PPP3CA: variants seen among roughly 807,000 people sequenced by gnomAD.
PPP3CA encodes the protein CAM-PRP catalytic subunit.
Under a neutral mutation model 66.5 loss-of-function variants are expected in PPP3CA, and 14 were observed. That is an observed-to-expected ratio of 0.21 (90% CI 0.14 to 0.33). The LOEUF (loss-of-function observed/expected upper bound fraction) is 0.33, where lower values mean the gene tolerates loss of function less well. Ranked by LOEUF, PPP3CA falls within the 10% of genes least tolerant of loss-of-function variation. The pLI, the probability that PPP3CA is intolerant of heterozygous loss-of-function variation, is 1.00. For missense variants in PPP3CA, 317 were observed against 639.5 expected (o/e 0.50, Z 5.44); for synonymous variants, 232 against 226.2 (o/e 1.03, Z -0.23).
chr4:101,294,004 C>T (rs907484940), intron 1 of PPP3CA, among the ~76,000 whole-genome samples: 2 of 152,086 alleles, frequency 1.3e-5, no homozygotes, highest in African/African-American at 4.8e-5. Context: ...AATATTTTCA[C>T]ATTTAAAAGG....
At chr4:101,337,409 T>G (rs1169720579) in intron 1 of PPP3CA, among the ~76,000 whole-genome samples, 1 of 152,224 alleles carries the variant, frequency 6.6e-6, no homozygotes, top group Non-Finnish European at 1.5e-5. Flanking sequence ...TTAATCATCT[T>G]GGGGACTGTT....
At chr4:101,079,767 G>C (rs954998312) in intron 8 of PPP3CA, among the ~76,000 whole-genome samples, 2 of 152,196 alleles carry the variant, frequency 1.3e-5, no homozygotes, top group Non-Finnish European at 1.5e-5. Context: ...CAAATAAAGA[G>C]ATTACATTTA....
intron 2 of PPP3CA, among the ~76,000 whole-genome samples, chr4:101,161,135 G>A (rs139936871): frequency 1.1e-4 from 17 of 152,150 alleles, no homozygotes; most frequent in South Asian, 2.1e-4. Flanking sequence ...GTACAGTAAC[G>A]TGGTACAGGT....
chr4:101,176,927 C>T (rs1724079767), intron 2 of PPP3CA, among the ~76,000 whole-genome samples: 1 of 152,000 alleles, frequency 6.6e-6, no homozygotes, highest in African/African-American at 2.4e-5. Context: ...TCTATAGCCA[C>T]AACATTATTC....
chr4:101,294,605 T>A (rs1270837145), intron 1 of PPP3CA, among the ~76,000 whole-genome samples: 1 of 152,342 alleles, frequency 6.6e-6, no homozygotes, highest in African/African-American at 2.4e-5. Context: ...TTATGAATTT[T>A]AATCATAAAA....
At chr4:101,200,607 T>C (rs1305520479) in intron 1 of PPP3CA, among the ~76,000 whole-genome samples, 3 of 152,174 alleles carry the variant, frequency 2.0e-5, no homozygotes, top group Admixed American at 1.3e-4. Context: ...TCCTCCTTTT[T>C]TTCCCCCCTC....
At chr4:101,179,214 T>G (rs2850982) in intron 2 of PPP3CA, among the ~76,000 whole-genome samples, 1 of 151,862 alleles carries the variant, frequency 6.6e-6, no homozygotes, top group Non-Finnish European at 1.5e-5. Context: ...AAGTGTAATA[T>G]TGGTTCCTAG....
At chr4:101,206,310 T>A (rs549111848) in intron 1 of PPP3CA, among the ~76,000 whole-genome samples, 4 of 152,352 alleles carry the variant, frequency 2.6e-5, no homozygotes, top group African/African-American at 9.6e-5. Flanking sequence ...TCTCTCAAAT[T>A]TCATTTTCAA....
At chr4:101,161,083 C>T (rs1294557306) in intron 2 of PPP3CA, among the ~76,000 whole-genome samples, 5 of 152,060 alleles carry the variant, frequency 3.3e-5, no homozygotes, top group Admixed American at 6.6e-5. Context: ...ATGTTATATA[C>T]ACAAATACTT....
At chr4:101,191,463 TG>T (rs1351475528) in intron 2 of PPP3CA, among the ~76,000 whole-genome samples, 1 of 152,194 alleles carries the variant, frequency 6.6e-6, no homozygotes, top group Non-Finnish European at 1.5e-5. Context: ...TGCCACAGGC[TG>T]GGACTGAAAT....
chr4:101,106,458 A>AGAAGAGAAGAGAAGAGAAGAGAAG (rs1560605216), intron 3 of PPP3CA, among the ~76,000 whole-genome samples: 8 of 32,676 alleles, frequency 2.4e-4, no homozygotes, highest in Admixed American at 1.1e-3. Flanking sequence ...AGAAAGAGAA[A>AGAAGAGAAGAGAAGAGAAGAGAAG]AGAAAAGAAA....
intron 2 of PPP3CA, among the ~76,000 whole-genome samples, chr4:101,179,469 C>T (rs938431661): frequency 1.1e-4 from 16 of 152,164 alleles, no homozygotes; most frequent in African/African-American, 3.9e-4. Context: ...AGAAACTCAG[C>T]ATGCTGTCTT....
intron 1 of PPP3CA, among the ~76,000 whole-genome samples, chr4:101,208,094 C>T (rs1316540012): frequency 6.6e-6 from 1 of 152,152 alleles, no homozygotes; most frequent in Non-Finnish European, 1.5e-5. Flanking sequence ...ACTAGAAATA[C>T]ACTATATTTT....
At chr4:101,284,978 A>T (rs1214337516) in intron 1 of PPP3CA, among the ~76,000 whole-genome samples, 2 of 152,156 alleles carry the variant, frequency 1.3e-5, no homozygotes. Context: ...AATAGATGTC[A>T]ACTTGCTAAA....
chr4:101,195,790 A>T, intron 2 of PPP3CA, 126 bp downstream of exon 2: 1 of 724,416 alleles, frequency 1.4e-6, no homozygotes, highest in South Asian at 1.9e-5. Context: ...TAATGTATAG[A>T]TTCAACAGTA....
intron 2 of PPP3CA, among the ~76,000 whole-genome samples, chr4:101,120,484 A>T (rs953178437): frequency 1.3e-5 from 2 of 152,070 alleles, no homozygotes; most frequent in African/African-American, 4.8e-5. Context: ...GATATGGGCA[A>T]ATCATTTTAT....
chr4:101,066,105 G>A (rs1295862891), intron 8 of PPP3CA, among the ~76,000 whole-genome samples: 1 of 152,068 alleles, frequency 6.6e-6, no homozygotes, highest in Non-Finnish European at 1.5e-5. Context: ...TCTGCCCACA[G>A]TCACACTTAG....
At position 101,147,377 on chromosome 4, in the gene PPP3CA, A is replaced by G. The variant is rs144531360; in HGVS notation, c.260-38299T>C. 3.6e-3 allele frequency among the ~76,000 whole-genome samples: 542 copies of G among 152,302 alleles called. 4 individuals carry two copies. Among genetic ancestry groups the G allele is most frequent in the Middle Eastern group, 0.014 (4 of 294 alleles). ...ATTAGAAGACTCAGTATTTTTCAAA[A>G]ATGTCATGAATGAGAGTTTGCTGGC... On this transcript the variant is annotated intron_variant, in intron 2 of 13. Coordinates refer to ENST00000394854, the MANE Select transcript of PPP3CA (RefSeq NM_000944.5).
chr4:101,140,597 C>T (rs1391655267), intron 2 of PPP3CA, among the ~76,000 whole-genome samples: 1 of 152,014 alleles, frequency 6.6e-6, no homozygotes, highest in African/African-American at 2.4e-5. Flanking sequence ...AAAAATTGGG[C>T]CCTAATATGT....
Sources: allele counts gnomAD v4.1 joint callset (sites outside exome capture counted in the v4.1 genomes callset), GRCh38; gene constraint gnomAD v4.1.1; transcripts MANE v1.5; gene names NCBI Gene and HGNC (gene_info 2026-07-23, HGNC 2026-07-21).